SLC9A9: variants seen among roughly 807,000 people sequenced by gnomAD.
SLC9A9 encodes the protein solute carrier family 9 member A9.
In SLC9A9, 62 loss-of-function variants were observed where a neutral mutation model predicts 77.8. That is an observed-to-expected ratio of 0.80 (90% CI 0.65 to 0.98). SLC9A9 has a LOEUF of 0.98. Among genes scored for constraint, SLC9A9 ranks in the 50% least tolerant of loss-of-function variants. The pLI, the probability that SLC9A9 is intolerant of heterozygous loss-of-function variation, is 0.00. For synonymous variants in SLC9A9, 320 were observed against 283.5 expected, an observed-to-expected ratio of 1.13 and a Z score of -1.29; for missense variants, 775 against 774.9, an observed-to-expected ratio of 1.00 and a Z score of 0.00.
intron 12 of SLC9A9, among the ~76,000 whole-genome samples, chr3:143,410,737 A>G (rs2034080083): frequency 6.6e-6 from 1 of 151,978 alleles, no homozygotes; most frequent in Non-Finnish European, 1.5e-5. Context: ...GTCTTTTTTT[A>G]CTTTCATTTT....
intron 4 of SLC9A9, among the ~76,000 whole-genome samples, chr3:143,760,433 A>G (rs2007080006): frequency 6.6e-6 from 1 of 152,206 alleles, no homozygotes; most frequent in African/African-American, 2.4e-5. Context: ...ACATGATTGT[A>G]TAGCTAGAAA....
intron 5 of SLC9A9, among the ~76,000 whole-genome samples, chr3:143,692,083 C>G (rs1011557459): frequency 6.6e-6 from 1 of 152,066 alleles, no homozygotes; most frequent in African/African-American, 2.4e-5. Context: ...CTCTAACCAT[C>G]AGTTTATAAG....
intron 11 of SLC9A9, among the ~76,000 whole-genome samples, chr3:143,480,472 G>A (rs1330988821): frequency 1.3e-5 from 2 of 152,168 alleles, no homozygotes; most frequent in Non-Finnish European, 2.9e-5. Context: ...GCTGCTTGTG[G>A]TTATTCATTA....
At chr3:143,762,509 T>C (rs1420673829) in intron 4 of SLC9A9, among the ~76,000 whole-genome samples, 3 of 152,190 alleles carry the variant, frequency 2.0e-5, no homozygotes, top group Admixed American at 2.0e-4. Context: ...TTAACTTCTA[T>C]ATTCCCAAAT....
At chr3:143,625,374 G>T (rs1310930891) in intron 6 of SLC9A9, among the ~76,000 whole-genome samples, 1 of 152,140 alleles carries the variant, frequency 6.6e-6, no homozygotes, top group Non-Finnish European at 1.5e-5. Context: ...ATACTACAAG[G>T]CTACAGTAAC....
At chr3:143,479,560 C>T (rs1191163835) in intron 11 of SLC9A9, among the ~76,000 whole-genome samples, 1 of 152,192 alleles carries the variant, frequency 6.6e-6, no homozygotes, top group African/African-American at 2.4e-5. Flanking sequence ...GCTTGAGTTA[C>T]ATGTTTTGTT....
intron 11 of SLC9A9, among the ~76,000 whole-genome samples, chr3:143,468,919 C>T (rs923953150): frequency 6.6e-5 from 10 of 152,058 alleles, no homozygotes; most frequent in South Asian, 2.1e-4. Flanking sequence ...CCCAGCACTT[C>T]GGGAGGCCGA....
chr3:143,819,263 G>C (rs553477849), intron 2 of SLC9A9, among the ~76,000 whole-genome samples: 1 of 152,338 alleles, frequency 6.6e-6, no homozygotes, highest in East Asian at 1.9e-4. Context: ...TAAAATGCTA[G>C]AAGTTAGAAA....
chr3:143,319,703 A>G (rs941999416), intron 14 of SLC9A9, among the ~76,000 whole-genome samples: 2 of 152,198 alleles, frequency 1.3e-5, no homozygotes, highest in Non-Finnish European at 2.9e-5. Flanking sequence ...GCAAGTCACA[A>G]ATTCCTAAAG....
intron 4 of SLC9A9, among the ~76,000 whole-genome samples, chr3:143,790,049 T>A (rs540619587): frequency 2.6e-5 from 4 of 152,206 alleles, no homozygotes; most frequent in Admixed American, 2.6e-4. Context: ...GGGAGGTGAT[T>A]AGATCATGGG....
At chr3:143,491,295 G>T (rs1040883540) in intron 11 of SLC9A9, among the ~76,000 whole-genome samples, 5 of 152,092 alleles carry the variant, frequency 3.3e-5, no homozygotes, top group African/African-American at 9.7e-5. Context: ...ATATGATAGG[G>T]TTATTGTTTT....
At chr3:143,433,207 A>G (rs1286684203) in intron 12 of SLC9A9, among the ~76,000 whole-genome samples, 1 of 152,220 alleles carries the variant, frequency 6.6e-6, no homozygotes, top group Non-Finnish European at 1.5e-5. Context: ...TCATGTAACA[A>G]AGTTTTCTTT....
chr3:143,574,825 A>G, intron 7 of SLC9A9, among the ~76,000 whole-genome samples: 1 of 152,202 alleles, frequency 6.6e-6, no homozygotes, highest in East Asian at 1.9e-4. Context: ...TAAATTGCAA[A>G]TAGAACAAAG....
chr3:143,524,875 A>T (rs1299398201), intron 9 of SLC9A9, among the ~76,000 whole-genome samples: 2 of 152,168 alleles, frequency 1.3e-5, no homozygotes, highest in Non-Finnish European at 2.9e-5. Flanking sequence ...TTCTTTGTAC[A>T]TGTCTATTTC....
intron 14 of SLC9A9, among the ~76,000 whole-genome samples, chr3:143,300,969 T>C (rs1052620124): frequency 2.6e-5 from 4 of 152,346 alleles, no homozygotes; most frequent in Admixed American, 2.6e-4. Flanking sequence ...AAAACCTGTT[T>C]AACATCTGCA....
chr3:143,428,403 C>T (rs185246948), intron 12 of SLC9A9, among the ~76,000 whole-genome samples: 6 of 152,114 alleles, frequency 3.9e-5, no homozygotes, highest in African/African-American at 1.2e-4. Flanking sequence ...AGTTAGAATG[C>T]TATTATCAAA....
intron 5 of SLC9A9, among the ~76,000 whole-genome samples, chr3:143,673,623 T>C (rs1423718276): frequency 6.6e-6 from 1 of 151,902 alleles, no homozygotes; most frequent in African/African-American, 2.4e-5. Context: ...TTATTAATTA[T>C]ATTGTTAATT....
At chr3:143,302,528 T>C (rs1016671679) in intron 14 of SLC9A9, among the ~76,000 whole-genome samples, 1 of 151,896 alleles carries the variant, frequency 6.6e-6, no homozygotes, top group African/African-American at 2.4e-5. Context: ...ATGAGGTTTG[T>C]GTGGAGTGGC....
At chr3:143,456,768 T>C (rs2035100353) in intron 12 of SLC9A9, among the ~76,000 whole-genome samples, 1 of 152,146 alleles carries the variant, frequency 6.6e-6, no homozygotes, top group South Asian at 2.1e-4. Context: ...TTTCACCATC[T>C]TGGCCAGGCT....
Sources: allele counts gnomAD v4.1 joint callset (sites outside exome capture counted in the v4.1 genomes callset), GRCh38; gene constraint gnomAD v4.1.1; transcripts MANE v1.5; gene names NCBI Gene and HGNC (gene_info 2026-07-23, HGNC 2026-07-21).